Variants in RHPN2 observed in about 807,000 individuals in gnomAD.
RHPN2 encodes the protein rhophilin-2.
Under a neutral mutation model 79.0 loss-of-function variants are expected in RHPN2, and 40 were observed. That is an observed-to-expected ratio of 0.51 (90% CI 0.39 to 0.66). The LOEUF (loss-of-function observed/expected upper bound fraction) is 0.66, where lower values mean the gene tolerates loss of function less well. Ranked by LOEUF, RHPN2 falls within the 30% of genes least tolerant of loss-of-function variation. RHPN2 has a pLI of 0.00. For synonymous variants in RHPN2, 285 were observed against 363.5 expected, an observed-to-expected ratio of 0.78 and a Z score of 2.46; for missense variants, 686 against 883.5, an observed-to-expected ratio of 0.78 and a Z score of 2.83.
intron 14 of RHPN2, among the ~76,000 whole-genome samples, chr19:32,988,932 T>C (rs2146000538): frequency 6.6e-6 from 1 of 152,318 alleles, no homozygotes. Context: ...CTGTGTAATG[T>C]AAACTGGAGC....
chr19:33,002,669 A>G, intron 8 of RHPN2, 144 bp downstream of exon 8: 3 of 903,842 alleles, frequency 3.3e-6, no homozygotes, highest in East Asian at 2.6e-5. Flanking sequence ...TTGCCAAGAA[A>G]ACTCAAGCCA....
chr19:32,983,856 G>A (rs1194551897), intron 14 of RHPN2, among the ~76,000 whole-genome samples: 1 of 151,948 alleles, frequency 6.6e-6, no homozygotes, highest in Non-Finnish European at 1.5e-5. Context: ...TGAACTTCTG[G>A]CCTCAAGTGA....
chr19:33,009,044 C>T (rs1971816105), intron 6 of RHPN2, among the ~76,000 whole-genome samples: 1 of 148,474 alleles, frequency 6.7e-6, no homozygotes, highest in Non-Finnish European at 1.5e-5. Flanking sequence ...TGTGTGATTC[C>T]AACATTCTGA....
chr19:33,054,197 GTT>G (rs34820019), intron 1 of RHPN2, among the ~76,000 whole-genome samples: 597 of 112,174 alleles, frequency 5.3e-3, no homozygotes, highest in African/African-American at 0.012. Context: ...TTTCTTCTTT[GTT>G]TTTTTTTTTT....
chr19:33,018,683 T>C (rs1334007822), intron 4 of RHPN2, among the ~76,000 whole-genome samples: 1 of 152,168 alleles, frequency 6.6e-6, no homozygotes, highest in Non-Finnish European at 1.5e-5. Context: ...CCTCTATTTA[T>C]GTCAAACAAC....
chr19:33,045,365 T>A (rs1242642098), intron 1 of RHPN2, among the ~76,000 whole-genome samples: 1 of 152,078 alleles, frequency 6.6e-6, no homozygotes, highest in African/African-American at 2.4e-5. Flanking sequence ...CTTTTTTTAT[T>A]TAGTAACAGC....
intron 1 of RHPN2, among the ~76,000 whole-genome samples, chr19:33,058,758 G>A (rs961794831): frequency 2.6e-5 from 4 of 151,974 alleles, no homozygotes; most frequent in Admixed American, 6.6e-5. Context: ...CCAGCCTGGC[G>A]ACAGAGCGAG....
intron 14 of RHPN2, among the ~76,000 whole-genome samples, chr19:32,985,286 C>T (rs74479155): frequency 5.9e-5 from 9 of 152,174 alleles, no homozygotes; most frequent in Non-Finnish European, 1.3e-4. Context: ...TGCACTCCAG[C>T]CTGGGCAACT....
At chr19:33,046,194 C>T (rs1035028738) in intron 1 of RHPN2, among the ~76,000 whole-genome samples, 4 of 152,142 alleles carry the variant, frequency 2.6e-5, no homozygotes, top group African/African-American at 7.2e-5. Context: ...TGGATATGTG[C>T]TTTTGTTTCT....
intron 2 of RHPN2, among the ~76,000 whole-genome samples, chr19:33,030,388 T>G (rs144133490): frequency 1.1e-4 from 16 of 152,188 alleles, no homozygotes; most frequent in Non-Finnish European, 2.2e-4. Flanking sequence ...AGGCCAAGAA[T>G]TCGAGATCAG....
Position 33,064,822 on chromosome 19 carries a change from G to A in RHPN2, c.31C>T (p.Gln11Ter), listed in dbSNP as rs760698706. The change falls in exon 1 of 15, where the codon CAG becomes TAG. Residue 11 changes from glutamine to a stop codon, truncating the protein, a stop_gained. Coordinates refer to ENST00000254260, the MANE Select transcript of RHPN2 (RefSeq NM_033103.5). LOFTEE classifies it high-confidence loss of function. ...CCGTCGTTCTCCTTCTCCAGCGGCT[G>A]GGGGGCCGCGGGCAACAGCGCGTCG... MTDALLPAAP[Q>*]PLEKENDGYF... 1.3e-6 allele frequency: 2 copies of A among 1,504,110 alleles called. No homozygotes were observed. Among genetic ancestry groups the A allele is most frequent in the African/African-American group, 1.4e-5 (1 of 69,216 alleles). 93.2% of individuals were successfully genotyped at this position (1,504,110 alleles called of 1,614,324 possible). A position where few individuals can be genotyped will look rare whatever the true frequency, so the allele number is the denominator to read the frequency against.
chr19:32,986,947 C>T (rs1450100640), intron 14 of RHPN2, among the ~76,000 whole-genome samples: 5 of 151,694 alleles, frequency 3.3e-5, no homozygotes, highest in Non-Finnish European at 7.4e-5. Flanking sequence ...ACAATCATAG[C>T]TCACTGCAGC....
At chr19:32,986,323 C>T (rs1019845141) in intron 14 of RHPN2, among the ~76,000 whole-genome samples, 1 of 152,232 alleles carries the variant, frequency 6.6e-6, no homozygotes, top group African/African-American at 2.4e-5. Flanking sequence ...CCTACTCCAA[C>T]CTTCAGTGTG....
chr19:32,997,780 C>T (rs1971714481), intron 10 of RHPN2, among the ~76,000 whole-genome samples: 3 of 152,188 alleles, frequency 2.0e-5, no homozygotes, highest in African/African-American at 7.2e-5. Context: ...TGTGAGCCAC[C>T]ACACCCGGCC....
intron 1 of RHPN2, among the ~76,000 whole-genome samples, chr19:33,057,483 A>G (rs1378184752): frequency 2.0e-5 from 3 of 151,886 alleles, no homozygotes; most frequent in Non-Finnish European, 4.4e-5. Context: ...TGAGGTCTGG[A>G]GTTCGAGACC....
chr19:33,043,207 C>T (rs916661870), intron 2 of RHPN2, among the ~76,000 whole-genome samples: 2 of 151,314 alleles, frequency 1.3e-5, no homozygotes, highest in Admixed American at 1.3e-4. Flanking sequence ...TTGCACATTG[C>T]ACTCCAGCCT....
intron 4 of RHPN2, among the ~76,000 whole-genome samples, chr19:33,014,217 T>C (rs1244173722): frequency 2.6e-5 from 4 of 152,128 alleles, no homozygotes; most frequent in Non-Finnish European, 5.9e-5. Context: ...TCCTCCTGTT[T>C]TTGTGTGTTC....
chr19:32,988,495 G>A lies in RHPN2; in HGVS notation c.1800+2019C>T, dbSNP rs935331213. Reference sequence around the variant, plus strand: ...CCATGGCCAGTCTCCGGCAGCAGACGCCCTTCTAAAACAAACATCACACCA... The same window carrying A: ...CCATGGCCAGTCTCCGGCAGCAGACACCCTTCTAAAACAAACATCACACCA... On this transcript the variant is annotated intron_variant, in intron 14 of 14. Transcript: ENST00000254260. Among the ~76,000 whole-genome samples the A allele has an allele frequency of 3.9e-5, 6 of 152,208 alleles. No individual in the cohort carries two copies. The East Asian group carries it at 7.7e-4, about 20-fold the overall frequency.
chr19:32,988,092 G>A (rs1162433876), intron 14 of RHPN2, among the ~76,000 whole-genome samples: 2 of 151,984 alleles, frequency 1.3e-5, no homozygotes, highest in African/African-American at 2.4e-5. Context: ...CCAGCTACTC[G>A]GGAGGCTGAG....
Sources: gnomAD v4.1 joint callset for allele counts (sites outside exome capture counted in the v4.1 genomes callset) on GRCh38, gnomAD v4.1.1 for gene constraint, MANE v1.5 for transcripts, NCBI Gene and HGNC (gene_info 2026-07-23, HGNC 2026-07-21) for gene names.